ARHGEF37: variants seen among roughly 807,000 people sequenced by gnomAD.
The protein encoded by ARHGEF37 is Rho guanine nucleotide exchange factor 37.
A neutral mutation model predicts 71.1 loss-of-function variants in ARHGEF37; 55 were observed. The observed-to-expected ratio is 0.77, with a 90% CI of 0.62 to 0.97. The LOEUF (loss-of-function observed/expected upper bound fraction) is 0.97. Among genes scored for constraint, ARHGEF37 ranks in the 50% least tolerant of loss-of-function variants. ARHGEF37 has a pLI of 0.00. For synonymous variants in ARHGEF37, 327 were observed against 350.6 expected, an observed-to-expected ratio of 0.93 and a Z score of 0.75; for missense variants, 765 against 836.8, an observed-to-expected ratio of 0.91 and a Z score of 1.06.
chr5:149,568,811 CAAAAAAAAAAAA>C (rs748620450), intron 1 of ARHGEF37, among the ~76,000 whole-genome samples: 1 of 57,354 alleles, frequency 1.7e-5, no homozygotes, highest in Non-Finnish European at 4.0e-5. Flanking sequence ...GACTCCATCT[CAAAAAAAAAAAA>C]AAAAAAAAAG....
intron 4 of ARHGEF37, among the ~76,000 whole-genome samples, chr5:149,615,157 T>C (rs1348090085): frequency 6.6e-6 from 1 of 152,152 alleles, no homozygotes; most frequent in Non-Finnish European, 1.5e-5. Context: ...TTTTTTTTGT[T>C]TTCACTTTTT....
chr5:149,603,127 T>A (rs192474830), intron 3 of ARHGEF37, among the ~76,000 whole-genome samples: 1 of 152,052 alleles, frequency 6.6e-6, no homozygotes, highest in Non-Finnish European at 1.5e-5. Flanking sequence ...GAGATAGGGT[T>A]TCACCATGTT....
rs1180491140 is a variant in ARHGEF37 at position 149,587,893 on chromosome 5, T to TC, written c.-12+6270dup. ...TTCTGTAGGTCTTCCCTCCCTTTAG[T>TC]CTTTTTTTTTTTTTTTTTTTGGAGA... On this transcript the variant is annotated intron_variant, in intron 1 of 12. Transcript: ENST00000333677. Among the ~76,000 whole-genome samples, 6 of 101,222 alleles carry TC rather than the reference T, an allele frequency of 5.9e-5. 1 individual carries two copies. Among genetic ancestry groups the TC allele is most frequent in the African/African-American group, 1.5e-4 (3 of 20,100 alleles). The allele number at this position is 101,222 out of a possible 152,430, so 66.4% of individuals were successfully genotyped here.
intron 1 of ARHGEF37, among the ~76,000 whole-genome samples, chr5:149,595,792 C>T (rs572093065): frequency 6.6e-6 from 1 of 152,262 alleles, no homozygotes; most frequent in African/African-American, 2.4e-5. Context: ...AGCTTTGGGC[C>T]ACCTGGACCA....
At chr5:149,588,003 T>A (rs893622481) in intron 1 of ARHGEF37, among the ~76,000 whole-genome samples, 3 of 151,386 alleles carry the variant, frequency 2.0e-5, no homozygotes, top group African/African-American at 7.3e-5. Context: ...TTCAAGCGAT[T>A]CTCCTGCCTC....
chr5:149,584,953 T>A (rs1763194362), intron 1 of ARHGEF37, among the ~76,000 whole-genome samples: 1 of 152,204 alleles, frequency 6.6e-6, no homozygotes, highest in South Asian at 2.1e-4. Flanking sequence ...GTTTATTTAG[T>A]TATATAATGA....
intron 3 of ARHGEF37, among the ~76,000 whole-genome samples, chr5:149,601,514 T>A (rs1763755930): frequency 6.6e-6 from 1 of 152,180 alleles, no homozygotes; most frequent in African/African-American, 2.4e-5. Context: ...CTGTGTCTCT[T>A]TCACATTCAT....
chr5:149,624,900 G>GTT (rs70973533), intron 10 of ARHGEF37, among the ~76,000 whole-genome samples: 24,748 of 133,910 alleles, frequency 0.18, 3,815 homozygotes, highest in African/African-American at 0.4. Context: ...ATGCTTTTGG[G>GTT]TTTTTTTTTT....
At position 149,619,043 on chromosome 5, in the gene ARHGEF37, G is replaced by A. The variant is rs199665632; in HGVS notation, c.894+1G>A. ...GGCTGCTTACCTGGACAATCTGCAG[G>A]TGAGGACACTGCAGGGTTCATAAAG... On this transcript the variant is annotated splice_donor_variant, in intron 7 of 12. Coordinates refer to ENST00000333677, the MANE Select transcript of ARHGEF37 (RefSeq NM_001001669.3). LOFTEE classifies it high-confidence loss of function. 3.7e-6 allele frequency: 6 copies of A among 1,612,160 alleles called. No homozygotes were observed. The South Asian group carries it at 6.6e-5, about 18-fold the overall frequency.
rs373846122 is a variant in ARHGEF37 at position 149,627,152 on chromosome 5, C to A, written c.1541C>A (p.Thr514Lys). The A allele has an allele frequency of 1.2e-5, 20 of 1,614,068 alleles. No homozygotes were observed. The South Asian group carries it at 1.9e-4, about 15-fold the overall frequency. ...GGCCCTGGGAAGCTGTACCAGGTGA[C>A]AAGCAACATCAGTGGGACTGGGACT... ...RYGPGKLYQV[T>K]SNISGTGTLD... The change falls in exon 11 of 13, where the codon ACA becomes AAA. Residue 514 changes from threonine (T) to lysine (K), a missense_variant. Around this residue, in one of 5 missense-constraint regions of ARHGEF37, gnomAD observed 390 missense variants for 407.4 expected, o/e 0.96. Transcript: ENST00000333677.
At position 149,619,742 on chromosome 5, in the gene ARHGEF37, A is replaced by G. The variant is rs1752479859; in HGVS notation, c.895-612A>G. Among the ~76,000 whole-genome samples, 3 of 152,216 alleles carry G rather than the reference A, an allele frequency of 2.0e-5. No individual in the cohort carries two copies. In the South Asian group the frequency reaches 6.2e-4, roughly 32 times the overall value. On this transcript the variant is annotated intron_variant, in intron 7 of 12. Coordinates refer to ENST00000333677, the MANE Select transcript of ARHGEF37 (RefSeq NM_001001669.3). ...TAAATAGGAAAAGTTAGAGAAAAGTATTAATAGAACATGTGGAATATGGAC... is the reference window on the plus strand; with the variant it reads ...TAAATAGGAAAAGTTAGAGAAAAGTGTTAATAGAACATGTGGAATATGGAC...
chr5:149,629,593 T>C (rs572334359), intron 12 of ARHGEF37, among the ~76,000 whole-genome samples: 9 of 152,218 alleles, frequency 5.9e-5, no homozygotes, highest in Admixed American at 2.6e-4. Flanking sequence ...AGGAACCGAA[T>C]GAAGCCAGTG....
chr5:149,609,775 A>T, intron 4 of ARHGEF37, 80 bp downstream of exon 4: 1 of 1,574,564 alleles, frequency 6.4e-7, no homozygotes. Context: ...CCCCTTTTTC[A>T]TGCCATTCGT....
At chr5:149,601,564 G>C (rs552478385) in intron 3 of ARHGEF37, among the ~76,000 whole-genome samples, 230 of 152,336 alleles carry the variant, frequency 1.5e-3, no homozygotes, top group Non-Finnish European at 2.4e-3. Context: ...CAGTGTGCAG[G>C]CACAGCATCA....
chr5:149,578,321 C>T (rs775281267), upstream of ARHGEF37, among the ~76,000 whole-genome samples: 8 of 152,126 alleles, frequency 5.3e-5, no homozygotes, highest in Non-Finnish European at 1.0e-4. Context: ...AGTAAAAATC[C>T]CTTAATAAAG....
rs1435832046 is a variant in ARHGEF37, at chr5:149,558,808, A to G, written c.-12+6685A>G. Among the ~76,000 whole-genome samples, 3 of 152,038 alleles carry G rather than the reference A, an allele frequency of 2.0e-5. No individual in the cohort carries two copies. The East Asian group carries it at 5.8e-4, about 29-fold the overall frequency. On this transcript the variant is annotated intron_variant, in intron 1 of 2. Transcript: ENST00000505810. Reference sequence around the variant, plus strand: ...ATAAATGTGACATTGAAAAATTTCTAAAATTCAGATAAATCGGAAAAAAAC... The same window carrying G: ...ATAAATGTGACATTGAAAAATTTCTGAAATTCAGATAAATCGGAAAAAAAC...
At chr5:149,557,131 A>C (rs1241607998) in intron 1 of ARHGEF37, among the ~76,000 whole-genome samples, 1 of 152,226 alleles carries the variant, frequency 6.6e-6, no homozygotes, top group Non-Finnish European at 1.5e-5. Flanking sequence ...TGAAGGAAGA[A>C]GCTGACAAAT....
intron 1 of ARHGEF37, among the ~76,000 whole-genome samples, chr5:149,595,675 TCAGGA>T (rs1332798860): frequency 2.0e-5 from 3 of 152,188 alleles, no homozygotes; most frequent in African/African-American, 7.2e-5. Context: ...AAACTCATCT[TCAGGA>T]CATGGTTATC....
intron 1 of ARHGEF37, among the ~76,000 whole-genome samples, chr5:149,593,209 A>G (rs11739697): frequency 6.6e-6 from 1 of 152,254 alleles, no homozygotes. Flanking sequence ...TTTAAAGTGT[A>G]CAAATCAATA....
Sources: allele counts gnomAD v4.1 joint callset (sites outside exome capture counted in the v4.1 genomes callset), GRCh38; gene constraint gnomAD v4.1.1; regional missense constraint gnomAD v4.1.1; transcripts MANE v1.5; gene names NCBI Gene and HGNC (gene_info 2026-07-23, HGNC 2026-07-21).